The following DUXA variants were observed in gnomAD, a reference collection of about 807,000 sequenced individuals.
The protein encoded by DUXA is double homeobox A.
DUXA carries 25 observed loss-of-function variants against 27.5 expected under a neutral mutation model. That is an observed-to-expected ratio of 0.91 (90% CI 0.66 to 1.27). The LOEUF is 1.27. DUXA is among the 50% of genes most tolerant of loss of function. The probability of loss-of-function intolerance (pLI) is 0.00; values close to 1 mark genes in which losing one functional copy is unlikely to be tolerated. For synonymous variants in DUXA, 90 were observed against 80.5 expected (o/e 1.12, Z -0.63); for missense variants, 247 against 242.9 (o/e 1.02, Z -0.11).
intron 4 of DUXA, among the ~76,000 whole-genome samples, chr19:57,158,084 C>T (rs554339254): frequency 5.9e-5 from 9 of 152,118 alleles, no homozygotes; most frequent in African/African-American, 1.9e-4. Context: ...TTGGGTGTCA[C>T]GTGCCACGCA....
chr19:57,156,071 G>C (rs935271546), intron 4 of DUXA, among the ~76,000 whole-genome samples: 1 of 152,138 alleles, frequency 6.6e-6, no homozygotes, highest in Non-Finnish European at 1.5e-5. Flanking sequence ...ATAGGTTTTA[G>C]ATCCTGAAAG....
At chr19:57,158,180 T>C in intron 4 of DUXA, 148 bp downstream of exon 4, 1 of 878,030 alleles carries the variant, frequency 1.1e-6, no homozygotes. Context: ...TGTGGGCACC[T>C]GGGGGTAGAA....
chr19:57,160,424 C>T (rs1426249441), intron 2 of DUXA, among the ~76,000 whole-genome samples: 2 of 152,218 alleles, frequency 1.3e-5, no homozygotes, highest in African/African-American at 2.4e-5. Context: ...TCTGAAGGTA[C>T]GCCTACACGT....
At chr19:57,156,460 G>C (rs1003660430) in intron 4 of DUXA, among the ~76,000 whole-genome samples, 6 of 152,174 alleles carry the variant, frequency 3.9e-5, no homozygotes, top group African/African-American at 1.4e-4. Context: ...AGAGGGCAGT[G>C]GTGCGATCAC....
At position 57,161,419 on chromosome 19, in the gene DUXA, C is replaced by A. The variant is rs111826088; in HGVS notation, c.26-622G>T. 2.0e-5 allele frequency among the ~76,000 whole-genome samples: 3 copies of A among 146,794 alleles called. No individual in the cohort carries two copies. In the South Asian group the frequency reaches 6.4e-4, roughly 31 times the overall value. ...CGGGCGGATCACAAGGTCAGGAGATCGAGACCATCCTGGCTAACATGATGA... is the reference window on the plus strand; with the variant it reads ...CGGGCGGATCACAAGGTCAGGAGATAGAGACCATCCTGGCTAACATGATGA... On this transcript the variant is annotated intron_variant, in intron 1 of 5. Coordinates refer to ENST00000554048, the MANE Select transcript of DUXA (RefSeq NM_001012729.2).
intron 2 of DUXA, among the ~76,000 whole-genome samples, 164 bp from the exon 3 acceptor site, chr19:57,159,442 C>T (rs2087009345): frequency 6.6e-6 from 1 of 152,080 alleles, no homozygotes; most frequent in Non-Finnish European, 1.5e-5. Flanking sequence ...GAGATAGAGT[C>T]TCACTTTGTG....
intron 5 of DUXA, among the ~76,000 whole-genome samples, chr19:57,154,857 C>T (rs1432227218): frequency 6.6e-6 from 1 of 152,202 alleles, no homozygotes; most frequent in Non-Finnish European, 1.5e-5. Flanking sequence ...GCCTCCATGC[C>T]CAGCCCCCAC....
chr19:57,165,534 G>A (rs995611410), intron 1 of DUXA, among the ~76,000 whole-genome samples: 2 of 150,460 alleles, frequency 1.3e-5, no homozygotes, highest in African/African-American at 2.4e-5. Flanking sequence ...GGCCGGGCAC[G>A]GTGGCTCACG....
In DUXA at chr19:57,167,460, G is replaced by C; in HGVS notation, c.-17C>G. On this transcript the variant is annotated 5_prime_UTR_variant, in exon 1 of 6. Coordinates refer to ENST00000554048, the MANE Select transcript of DUXA (RefSeq NM_001012729.2). ...TTCGGCCATGCTGGAAGAGAGTCCT[G>C]AAGGCTGAGCCACTGTCTGGGAGAC... 6.2e-7 allele frequency: 1 copy of C among 1,613,084 alleles called. No individual in the cohort carries two copies.
rs2087001743 is a variant in DUXA at position 57,158,200 on chromosome 19, C to T, written c.438+128G>A. ...GCACCTGGGGGTAGAAGCCAGCAGA[C>T]AGGGAACAGCTGTGAAAGACCCTGA... On this transcript the variant is annotated intron_variant, in intron 4 of 5. Transcript: ENST00000554048. 3.7e-6 allele frequency: 4 copies of T among 1,070,750 alleles called. No individual in the cohort carries two copies. In the South Asian group the frequency reaches 6.1e-5, roughly 16 times the overall value. 66.3% of individuals were successfully genotyped at this position (1,070,750 alleles called of 1,614,324 possible).
At chr19:57,163,677 C>T (rs2087036195) in intron 1 of DUXA, among the ~76,000 whole-genome samples, 1 of 152,210 alleles carries the variant, frequency 6.6e-6, no homozygotes, top group Non-Finnish European at 1.5e-5. Flanking sequence ...GATCCACCCA[C>T]CTCAGCCTCC....
Position 57,154,389 on chromosome 19 carries a change from A to G in DUXA, c.*23T>C. The stretch of plus-strand genomic sequence containing the variant: ...GATTTGGGGTCCAGTTGATATTATC[A>G]AGTACACTGAATTTGACTGTGTTCA... On this transcript the variant is annotated 3_prime_UTR_variant, in exon 6 of 6. Transcript: ENST00000554048. 1 of 1,608,020 alleles carries G rather than the reference A, an allele frequency of 6.2e-7. No individual in the cohort carries two copies.
intron 2 of DUXA, among the ~76,000 whole-genome samples, chr19:57,159,750 C>T (rs1001311034): frequency 1.3e-5 from 2 of 151,410 alleles, no homozygotes; most frequent in African/African-American, 2.4e-5. Flanking sequence ...GGCATTCACA[C>T]CCAGGGCAAC....
In DUXA at chr19:57,159,154, G is replaced by A; in HGVS notation, c.292+13C>T. The A allele has an allele frequency of 2.5e-6, 4 of 1,608,378 alleles. No individual in the cohort carries two copies. Among genetic ancestry groups the A allele is most frequent in the Non-Finnish European group, 3.4e-6 (4 of 1,176,886 alleles). ...AAGCTCTGCTGGGGAACAGAACTAA[G>A]AGGGTTATTTACTTTGAAACTCCAC... On this transcript the variant is annotated intron_variant, in intron 3 of 5. Transcript: ENST00000554048.
At chr19:57,164,647 T>A (rs200176988) in intron 1 of DUXA, among the ~76,000 whole-genome samples, 172 of 86,264 alleles carry the variant, frequency 2.0e-3, no homozygotes, top group African/African-American at 6.0e-3. Flanking sequence ...GAAACAAAAA[T>A]TTTTTTTAAG....
intron 1 of DUXA, among the ~76,000 whole-genome samples, chr19:57,162,763 A>G (rs1055008230): frequency 6.6e-6 from 1 of 152,010 alleles, no homozygotes; most frequent in Non-Finnish European, 1.5e-5. Context: ...TTTAGTAGAG[A>G]CAGGGTTTCA....
At chr19:57,163,171 C>T (rs1434597334) in intron 1 of DUXA, among the ~76,000 whole-genome samples, 1 of 152,132 alleles carries the variant, frequency 6.6e-6, no homozygotes. Context: ...ACCCACAAGG[C>T]TCTTCACACG....
chr19:57,159,283 G>A lies in DUXA; in HGVS notation c.181-5C>T, dbSNP rs1174377023. 1.2e-6 allele frequency: 2 copies of A among 1,611,776 alleles called. No homozygotes were observed. Among genetic ancestry groups the A allele is most frequent in the East Asian group, 2.2e-5 (1 of 44,874 alleles). On this transcript the variant is annotated splice_polypyrimidine_tract_variant and splice_region_variant and intron_variant, in intron 2 of 5. Transcript: ENST00000554048. ...TCTTCGATTCTGAAACCAAATCTAA[G>A]TGAGGAAAAGAAAAGGAGAGAATTA...
At chr19:57,159,382 AT>A (rs1484626285) in intron 2 of DUXA, 104 bp from the exon 3 acceptor site, 1 of 992,588 alleles carries the variant, frequency 1.0e-6, no homozygotes, top group Non-Finnish European at 1.5e-6. Context: ...TAGGCCCAGG[AT>A]TATTACTTAC....
Sources: gnomAD v4.1 joint callset for allele counts (sites outside exome capture counted in the v4.1 genomes callset) on GRCh38, gnomAD v4.1.1 for gene constraint, MANE v1.5 for transcripts, NCBI Gene and HGNC (gene_info 2026-07-23, HGNC 2026-07-21) for gene names.